The following SIRT3 variants were observed in gnomAD, a reference collection of about 807,000 sequenced individuals.
SIRT3 encodes the protein sirtuin 3, also known as NAD-dependent protein deacetylase sirtuin-3, mitochondrial.
A neutral mutation model predicts 33.5 loss-of-function variants in SIRT3; 26 were observed. The observed-to-expected ratio is 0.78, with a 90% CI of 0.57 to 1.08. The LOEUF is 1.08. Ranked by LOEUF, SIRT3 falls within the 50% of genes least tolerant of loss-of-function variation. The pLI is 0.00. For missense variants in SIRT3, 585 were observed against 530.1 expected, an observed-to-expected ratio of 1.10 and a Z score of -1.02; for synonymous variants, 237 against 222.1, an observed-to-expected ratio of 1.07 and a Z score of -0.60.
chr11:232,902 G>T, intron 3 of SIRT3, 81 bp downstream of exon 3: 1 of 1,346,954 alleles, frequency 7.4e-7, no homozygotes, highest in Non-Finnish European at 1.0e-6. Flanking sequence ...TGAGAAACAG[G>T]CACCCGAGCC....
At chr11:229,949 T>C (rs1857688800) in intron 4 of SIRT3, among the ~76,000 whole-genome samples, 1 of 152,150 alleles carries the variant, frequency 6.6e-6, no homozygotes, top group South Asian at 2.1e-4. Context: ...CCAACTGTGG[T>C]GCATACATCA....
rs1297123306 is a variant in SIRT3 at position 230,546 on chromosome 11, C to A, written c.713G>T (p.Gly238Val). The A allele has an allele frequency of 2.0e-6, 3 of 1,517,150 alleles. No individual in the cohort carries two copies. The highest frequency in any genetic ancestry group is 2.2e-5 in the Admixed American group (1 of 44,502). 94.0% of individuals were successfully genotyped at this position (1,517,150 alleles called of 1,614,324 possible). ...QNIDGLERVS[G>V]IPASKLVEAH... ...TTCAACCAGCTTTGAGGCAGGGATG[C>A]CCGACACTGAAATTCAAGCCAAAGC... is the stretch of plus-strand genomic sequence containing the variant. The change falls in exon 4 of 7, where the codon GGC becomes GTC. Residue 238 changes from glycine to valine, a missense_variant. By Grantham distance (109) the Gly-to-Val change is moderately radical. Coordinates refer to ENST00000382743, the MANE Select transcript of SIRT3 (RefSeq NM_012239.6).
rs745919092 is a variant in SIRT3, at chr11:230,603, G to A, written c.707-51C>T. ...TTGCTGCCGCCTCCGAGATGAGCACGCAAGGCCAAGAGCACAACTTCTGGG... is the reference window on the plus strand; with the variant it reads ...TTGCTGCCGCCTCCGAGATGAGCACACAAGGCCAAGAGCACAACTTCTGGG... On this transcript the variant is annotated intron_variant, in intron 3 of 6. Coordinates refer to ENST00000382743, the MANE Select transcript of SIRT3 (RefSeq NM_012239.6). The A allele has an allele frequency of 1.5e-5, 20 of 1,310,288 alleles. 1 individual carries two copies. The South Asian group carries it at 2.1e-4, about 14-fold the overall frequency. 81.2% of individuals were successfully genotyped at this position (1,310,288 alleles called of 1,614,324 possible). A position where few individuals can be genotyped will look rare whatever the true frequency, so the allele number is the denominator to read the frequency against.
intron 4 of SIRT3, 49 bp from the exon 5 acceptor site, chr11:224,288 T>A: frequency 1.3e-6 from 2 of 1,575,842 alleles, no homozygotes; most frequent in Non-Finnish European, 1.7e-6. Flanking sequence ...CAACACCCTG[T>A]AAAAGGAAAA....
intron 4 of SIRT3, 127 bp from the exon 5 acceptor site, chr11:224,366 C>T (rs1856869662): frequency 1.1e-6 from 1 of 951,396 alleles, no homozygotes. Context: ...ATCATGAACC[C>T]CCATGTACCC....
At chr11:218,776 A>G (rs1855999701) in intron 6 of SIRT3, 56 bp downstream of exon 6, 1 of 1,612,696 alleles carries the variant, frequency 6.2e-7, no homozygotes, top group Non-Finnish European at 8.5e-7. Context: ...GGTGGACCAT[A>G]CCCTAGAGCA....
chr11:235,929 G>A, intron 1 of SIRT3, 119 bp downstream of exon 1: 1 of 1,126,426 alleles, frequency 8.9e-7, no homozygotes, highest in Non-Finnish European at 1.2e-6. Context: ...CGGAGGCCCC[G>A]GTGTTGGAAC....
intron 1 of SIRT3, among the ~76,000 whole-genome samples, chr11:234,929 G>T (rs1858730505): frequency 6.6e-6 from 1 of 151,870 alleles, no homozygotes; most frequent in African/African-American, 2.4e-5. Context: ...CCGGGCTGGA[G>T]TGCAATGGTG....
chr11:220,244 G>A (rs1373744683), intron 5 of SIRT3, among the ~76,000 whole-genome samples: 5 of 150,692 alleles, frequency 3.3e-5, no homozygotes, highest in African/African-American at 2.4e-5. Flanking sequence ...GCAGGAGAAT[G>A]GCTTGAGCCT....
chr11:233,571 A>G, intron 1 of SIRT3, 37 bp from the exon 2 acceptor site: 1 of 1,605,360 alleles, frequency 6.2e-7, no homozygotes, highest in South Asian at 1.1e-5. Flanking sequence ...GGAAACAGAT[A>G]GCAACCAATC....
At chr11:224,407 AT>A (rs1412146698) in intron 4 of SIRT3, among the ~76,000 whole-genome samples, 168 bp from the exon 5 acceptor site, 1 of 152,234 alleles carries the variant, frequency 6.6e-6, no homozygotes, top group Non-Finnish European at 1.5e-5. Context: ...TTCATAGCTA[AT>A]TGTTTCACAG....
intron 4 of SIRT3, among the ~76,000 whole-genome samples, chr11:229,839 C>G (rs1303442728): frequency 6.6e-6 from 1 of 152,112 alleles, no homozygotes; most frequent in Non-Finnish European, 1.5e-5. Context: ...GAATAAAAAA[C>G]AAGGACTCTC....
chr11:219,067 GCA>G, intron 5 of SIRT3, 26 bp from the exon 6 acceptor site: 1 of 1,584,458 alleles, frequency 6.3e-7, no homozygotes, highest in Non-Finnish European at 8.6e-7. Context: ...AACGTGAGGG[GCA>G]CAGTGTCCAC....
chr11:222,218 C>G (rs921476539), intron 5 of SIRT3, among the ~76,000 whole-genome samples: 15 of 152,094 alleles, frequency 9.9e-5, no homozygotes, highest in African/African-American at 3.6e-4. Flanking sequence ...CTGTCCACAC[C>G]CTGGGCTCTC....
intron 5 of SIRT3, chr11:222,468 T>G (rs974188366): frequency 6.5e-6 from 1 of 152,874 alleles, no homozygotes; most frequent in Non-Finnish European, 1.5e-5. Context: ...CGGCCTCCCA[T>G]GCACTGTGCC....
At position 223,621 on chromosome 11, in the gene SIRT3, CAT is replaced by C; in HGVS notation, c.969+455_969+456del. 4.2e-6 allele frequency: 2 copies of C among 479,924 alleles called. No individual in the cohort carries two copies. The highest frequency in any genetic ancestry group is 3.9e-6 in the Non-Finnish European group (1 of 257,098). 29.7% of individuals were successfully genotyped at this position (479,924 alleles called of 1,614,324 possible). ...CCCCTCCACCTCGCCCCCACACCCC[CAT>C]CCTTCTCCCTTCTCCTCACACGTGG... On this transcript the variant is annotated intron_variant, in intron 5 of 6. Transcript: ENST00000382743. The surrounding 1 kb of genome is among the most constrained non-coding windows in gnomAD (Gnocchi z 4.8).
chr11:236,184 C>T lies in SIRT3; in HGVS notation c.145G>A (p.Gly49Arg). 1 of 1,563,888 alleles carries T rather than the reference C, an allele frequency of 6.4e-7. No individual in the cohort carries two copies. The highest frequency in any genetic ancestry group is 1.9e-5 in the Admixed American group (1 of 53,820). ...VLGGRDDVSAGLRGSHGARGE... is the reference protein window; with the variant it reads ...VLGGRDDVSARLRGSHGARGE... ...CGGGCCCCATGGCTGCCTCTCAGCC[C>T]CGCACTCACATCGTCCCTGCCGCCA... Residue 49 changes from glycine to arginine, a missense_variant, in exon 1 of 7, where the codon GGG (glycine) becomes AGG (arginine). Transcript: ENST00000382743.
chr11:221,195 T>C (rs570204), intron 5 of SIRT3, among the ~76,000 whole-genome samples: 8,106 of 152,312 alleles, frequency 0.053, 319 homozygotes, highest in Non-Finnish European at 0.075. Flanking sequence ...CATAGTTCAC[T>C]ATAACCTCAA....
chr11:236,839 G>A, upstream of SIRT3: 4 of 588,968 alleles, frequency 6.8e-6, no homozygotes, highest in South Asian at 2.0e-5. Context: ...CCAAGTGCGC[G>A]GGAAGTGGGC....
Sources: allele counts gnomAD v4.1 joint callset (sites outside exome capture counted in the v4.1 genomes callset), GRCh38; gene constraint gnomAD v4.1.1; non-coding constraint Gnocchi (gnomAD v3.1); transcripts MANE v1.5; gene names NCBI Gene and HGNC (gene_info 2026-07-23, HGNC 2026-07-21).